Variants in MCPH1 observed in about 807,000 individuals in gnomAD.
MCPH1 encodes microcephalin.
In MCPH1, 104 loss-of-function variants were observed where a neutral mutation model predicts 84.5. The observed-to-expected ratio is 1.23, with a 90% CI of 1.05 to 1.45. MCPH1 has a LOEUF of 1.45. Among genes scored for constraint, MCPH1 ranks in the 40% most tolerant of loss-of-function variants. The pLI, the probability that MCPH1 is intolerant of heterozygous loss-of-function variation, is 0.00. For missense variants in MCPH1, 1,498 were observed against 1,005.7 expected, an observed-to-expected ratio of 1.49 and a Z score of -6.62; for synonymous variants, 514 against 366.8, an observed-to-expected ratio of 1.40 and a Z score of -4.58.
intron 12 of MCPH1, among the ~76,000 whole-genome samples, chr8:6,531,002 T>C (rs888631238): frequency 1.3e-4 from 20 of 151,990 alleles, no homozygotes; most frequent in Non-Finnish European, 2.5e-4. Flanking sequence ...ATCTGCTCTT[T>C]TTTTAAAAGT....
chr8:6,623,711 AAAAAAAACTAT>A (rs1831742194), intron 13 of MCPH1, among the ~76,000 whole-genome samples: 1 of 4,132 alleles, frequency 2.4e-4, no homozygotes, highest in East Asian at 4.4e-3. Flanking sequence ...AAAAAAAAAA[AAAAAAAACTAT>A]TGATTTTAGT....
At chr8:6,630,955 C>G (rs911852355) in intron 13 of MCPH1, among the ~76,000 whole-genome samples, 4 of 152,140 alleles carry the variant, frequency 2.6e-5, no homozygotes, top group Non-Finnish European at 5.9e-5. Context: ...GAAACTCTAA[C>G]CTCTCATCCA....
At chr8:6,632,101 C>T (rs36081626) in intron 13 of MCPH1, among the ~76,000 whole-genome samples, 4,987 of 152,212 alleles carry the variant, frequency 0.033, 202 homozygotes, top group East Asian at 0.21. Flanking sequence ...AAATATCATA[C>T]GACTACACTT....
intron 12 of MCPH1, among the ~76,000 whole-genome samples, chr8:6,617,891 T>TGTCTATCTA (rs1563196810): frequency 8.0e-6 from 1 of 124,676 alleles, no homozygotes; most frequent in African/African-American, 3.0e-5. Context: ...TCTATCTATC[T>TGTCTATCTA]ATCTATCTAA....
rs1295435886 is a variant in MCPH1, at chr8:6,445,496, A to G, written c.1774A>G (p.Met592Val). The change falls in exon 8 of 14, where the codon ATG becomes GTG. Residue 592 changes from methionine to valine, a missense_variant. Met to Val is a conservative substitution (Grantham distance 21). Transcript: ENST00000344683. The stretch of plus-strand genomic sequence containing the variant: ...GCCATGTTTTATAGTTGACTGTAAC[A>G]TGGAGACGTCTACAGAAGAGAAGGA... ...HEPCFIVDCN[M>V]ETSTEEKENL... 1.2e-6 allele frequency: 2 copies of G among 1,613,516 alleles called. No homozygotes were observed. Among genetic ancestry groups the G allele is most frequent in the Admixed American group, 1.7e-5 (1 of 59,884 alleles).
chr8:6,521,326 C>A (rs773025622), intron 12 of MCPH1: 1 of 1,613,796 alleles, frequency 6.2e-7, no homozygotes, highest in South Asian at 1.1e-5. Context: ...ATACTAACAC[C>A]TGTAGCTGAT....
intron 12 of MCPH1, chr8:6,615,555 C>A (rs1239448379): frequency 6.6e-6 from 1 of 152,210 alleles, no homozygotes; most frequent in Non-Finnish European, 1.5e-5. Context: ...TTAGGAAGCA[C>A]AGGAAGGCCT....
intron 9 of MCPH1, among the ~76,000 whole-genome samples, chr8:6,456,036 A>C (rs757178891): frequency 6.6e-6 from 1 of 152,010 alleles, no homozygotes; most frequent in African/African-American, 2.4e-5. Flanking sequence ...GAGAAACCTG[A>C]CTCCTTTGCT....
chr8:6,449,778 C>T (rs142916350), intron 8 of MCPH1, among the ~76,000 whole-genome samples: 1 of 152,172 alleles, frequency 6.6e-6, no homozygotes, highest in African/African-American at 2.4e-5. Flanking sequence ...CCTCTGACAG[C>T]ACAAGAGAGA....
intron 12 of MCPH1, among the ~76,000 whole-genome samples, chr8:6,583,680 T>A (rs890057099): frequency 6.6e-6 from 1 of 152,118 alleles, no homozygotes; most frequent in Admixed American, 6.5e-5. Flanking sequence ...GCCTTGGTGA[T>A]TGGAAATGAG....
At chr8:6,534,367 T>C (rs1820125288) in intron 12 of MCPH1, among the ~76,000 whole-genome samples, 1 of 152,224 alleles carries the variant, frequency 6.6e-6, no homozygotes, top group Non-Finnish European at 1.5e-5. Flanking sequence ...AGATCTACCC[T>C]GTTTTACGGA....
chr8:6,412,219 A>G (rs541630599), intron 2 of MCPH1, among the ~76,000 whole-genome samples: 12 of 152,256 alleles, frequency 7.9e-5, no homozygotes. Context: ...ACTGTAATAC[A>G]CTGGAATGTA....
chr8:6,603,581 T>TG (rs1268065224), intron 12 of MCPH1, among the ~76,000 whole-genome samples: 7 of 152,172 alleles, frequency 4.6e-5, no homozygotes, highest in African/African-American at 1.7e-4. Flanking sequence ...ATATAACTGA[T>TG]AATGTGGAAG....
chr8:6,526,880 A>T (rs1052864008), intron 12 of MCPH1, among the ~76,000 whole-genome samples: 2 of 152,042 alleles, frequency 1.3e-5, no homozygotes, highest in Non-Finnish European at 2.9e-5. Flanking sequence ...TATCCCCTAC[A>T]ATTTTTTTTC....
At chr8:6,571,365 T>C (rs1826646752) in intron 12 of MCPH1, among the ~76,000 whole-genome samples, 1 of 152,216 alleles carries the variant, frequency 6.6e-6, no homozygotes, top group African/African-American at 2.4e-5. Flanking sequence ...CATTAGTGGC[T>C]TTGAGGTGGG....
chr8:6,603,203 G>A (rs978223866), intron 12 of MCPH1, among the ~76,000 whole-genome samples: 1 of 152,110 alleles, frequency 6.6e-6, no homozygotes, highest in Non-Finnish European at 1.5e-5. Flanking sequence ...AGGTCTTGGG[G>A]CTCATAGGAA....
rs764558448 is a variant in MCPH1 at position 6,445,143 on chromosome 8, C to A, written c.1421C>A (p.Thr474Asn). ...VGKKTRTVDITNFTAKTISSP... is the reference protein window; with the variant it reads ...VGKKTRTVDINNFTAKTISSP... ...AAAAAAACCAGAACAGTTGACATTACCAATTTCACAGCAAAAACCATCTCC... is the reference window on the plus strand; with the variant it reads ...AAAAAAACCAGAACAGTTGACATTAACAATTTCACAGCAAAAACCATCTCC... The change falls in exon 8 of 14, where the codon ACC (threonine) becomes AAC (asparagine). Residue 474 changes from threonine to asparagine, a missense_variant. Coordinates refer to ENST00000344683, the MANE Select transcript of MCPH1 (RefSeq NM_024596.5). 3.1e-6 allele frequency: 5 copies of A among 1,614,200 alleles called. No individual in the cohort carries two copies. The Admixed American group carries it at 8.3e-5, about 27-fold the overall frequency.
intron 3 of MCPH1, among the ~76,000 whole-genome samples, chr8:6,431,183 G>C (rs761277570): frequency 6.6e-6 from 1 of 152,120 alleles, no homozygotes; most frequent in Non-Finnish European, 1.5e-5. Context: ...CCATTTAATA[G>C]CATTTACCCT....
chr8:6,528,410 T>G (rs1818790441), intron 12 of MCPH1, among the ~76,000 whole-genome samples: 1 of 152,272 alleles, frequency 6.6e-6, no homozygotes. Context: ...ACAGAGAGAT[T>G]GGAAGTCACA....
Sources: allele counts gnomAD v4.1 joint callset (sites outside exome capture counted in the v4.1 genomes callset), GRCh38; gene constraint gnomAD v4.1.1; transcripts MANE v1.5; gene names NCBI Gene and HGNC (gene_info 2026-07-23, HGNC 2026-07-21).